Variants in NFIB observed in about 807,000 individuals in gnomAD.
NFIB encodes the protein nuclear factor I B.
In NFIB, 11 loss-of-function variants were observed where a neutral mutation model predicts 61.5. That is an observed-to-expected ratio of 0.18 (90% confidence interval 0.11 to 0.30). The LOEUF (loss-of-function observed/expected upper bound fraction) is 0.30. Among genes scored for constraint, NFIB ranks in the 10% least tolerant of loss-of-function variants. The pLI is 1.00. For synonymous variants in NFIB, 260 were observed against 216.5 expected, an observed-to-expected ratio of 1.20 and a Z score of -1.76; for missense variants, 471 against 608.9, an observed-to-expected ratio of 0.77 and a Z score of 2.38.
intron 2 of NFIB, among the ~76,000 whole-genome samples, chr9:14,276,262 T>C (rs942394203): frequency 2.6e-5 from 4 of 152,296 alleles, no homozygotes; most frequent in Admixed American, 6.5e-5. Context: ...GTTGGGGTAG[T>C]TGCTTCCCAA....
At chr9:14,392,300 T>G (rs1333127996) in intron 1 of NFIB, among the ~76,000 whole-genome samples, 1 of 152,244 alleles carries the variant, frequency 6.6e-6, no homozygotes, top group Non-Finnish European at 1.5e-5. Flanking sequence ...CTATCAACAT[T>G]GGTTTCTGAA....
At chr9:14,206,482 T>G (rs2049734786) in intron 2 of NFIB, among the ~76,000 whole-genome samples, 1 of 152,008 alleles carries the variant, frequency 6.6e-6, no homozygotes, top group Non-Finnish European at 1.5e-5. Flanking sequence ...CTAACACTCT[T>G]AAAACTTGAG....
chr9:14,419,766 T>C, the NFIB span, among the ~76,000 whole-genome samples: 1 of 152,180 alleles, frequency 6.6e-6, no homozygotes, highest in Non-Finnish European at 1.5e-5. Context: ...TCTGCTCCAC[T>C]TCCCATCGGT....
the NFIB span, among the ~76,000 whole-genome samples, chr9:14,481,568 TTGGATTTCTCTCA>T: frequency 6.6e-6 from 1 of 152,006 alleles, no homozygotes; most frequent in Non-Finnish European, 1.5e-5. Flanking sequence ...CCTATTGACT[TTGGATTTCTCTCA>T]TCCCTTTAGA....
At chr9:14,399,925 T>C (rs1290740736), upstream of NFIB, among the ~76,000 whole-genome samples, 1 of 152,136 alleles carries the variant, frequency 6.6e-6, no homozygotes, top group Admixed American at 6.6e-5. Context: ...CATCTCTCAA[T>C]GTTCAGATTC....
chr9:14,366,964 T>A (rs894093858), intron 1 of NFIB, among the ~76,000 whole-genome samples: 1 of 152,096 alleles, frequency 6.6e-6, no homozygotes, highest in Non-Finnish European at 1.5e-5. Flanking sequence ...TTTCTTTGCA[T>A]CAGAATCAAC....
the NFIB span, among the ~76,000 whole-genome samples, chr9:14,496,839 T>C: frequency 6.6e-6 from 1 of 152,200 alleles, no homozygotes; most frequent in Non-Finnish European, 1.5e-5. Flanking sequence ...ATACTAGCCA[T>C]TGCATTTTCA....
At chr9:14,400,748 G>T (rs185515779), upstream of NFIB, among the ~76,000 whole-genome samples, 8 of 152,244 alleles carry the variant, frequency 5.3e-5, no homozygotes, top group South Asian at 1.7e-3. Context: ...CTTCCTCCTC[G>T]TTCATTATTG....
the NFIB span, among the ~76,000 whole-genome samples, chr9:14,489,392 A>G: frequency 3.9e-5 from 6 of 152,204 alleles, no homozygotes; most frequent in Non-Finnish European, 7.4e-5. Flanking sequence ...ATCACGTACC[A>G]TCTTATCTTA....
the NFIB span, among the ~76,000 whole-genome samples, chr9:14,499,265 C>G: frequency 6.6e-6 from 1 of 152,130 alleles, no homozygotes; most frequent in Admixed American, 6.6e-5. Context: ...TGATGTCTGG[C>G]TGAAAGGCTT....
At chr9:14,377,761 T>A (rs2061436869) in intron 1 of NFIB, among the ~76,000 whole-genome samples, 1 of 152,194 alleles carries the variant, frequency 6.6e-6, no homozygotes, top group African/African-American at 2.4e-5. Context: ...AGGCCCCAAA[T>A]GTAGACTGGG....
At position 14,330,420 on chromosome 9, in the gene NFIB, AT is replaced by A. The variant is rs796925014; in HGVS notation, c.109-22901del. 4.7e-4 allele frequency among the ~76,000 whole-genome samples: 72 copies of A among 151,732 alleles called. 1 individual carries two copies. The highest frequency in any genetic ancestry group is 1.4e-3 in the African/African-American group (56 of 41,400). ...ATCAGAACACATGGTGCAACCAAGC[AT>A]TTTTTTTTAAATGATTTTAAGATTT... On this transcript the variant is annotated intron_variant, in intron 1 of 8. Transcript: ENST00000380934.
chr9:14,475,807 G>T, the NFIB span, among the ~76,000 whole-genome samples: 2 of 152,098 alleles, frequency 1.3e-5, no homozygotes, highest in African/African-American at 2.4e-5. Flanking sequence ...AAAATTTATG[G>T]TTTTTACCTC....
chr9:14,339,925 G>C (rs1394131519), intron 1 of NFIB, among the ~76,000 whole-genome samples: 1 of 152,156 alleles, frequency 6.6e-6, no homozygotes, highest in African/African-American at 2.4e-5. Context: ...CAAAGTATTT[G>C]GTAATTGCCT....
At chr9:14,091,128 A>G (rs693517) in intron 10 of NFIB, among the ~76,000 whole-genome samples, 148,474 of 151,898 alleles carry the variant, frequency 0.98, 72,672 homozygotes, top group Middle Eastern at 1. Flanking sequence ...CCTTTGGGGG[A>G]AAATAAATCT....
chr9:14,183,137 A>C (rs897963257), intron 2 of NFIB, among the ~76,000 whole-genome samples: 7 of 152,140 alleles, frequency 4.6e-5, no homozygotes, highest in African/African-American at 1.7e-4. Context: ...ATCCCAACAC[A>C]CGCATCTGAA....
intron 2 of NFIB, among the ~76,000 whole-genome samples, chr9:14,214,005 C>T (rs1432115013): frequency 2.0e-5 from 3 of 152,144 alleles, no homozygotes; most frequent in African/African-American, 7.2e-5. Flanking sequence ...GAATCGATGC[C>T]ACCTTCGGGC....
intron 2 of NFIB, among the ~76,000 whole-genome samples, chr9:14,199,576 A>G (rs1392669886): frequency 1.3e-5 from 2 of 152,240 alleles, no homozygotes; most frequent in Non-Finnish European, 2.9e-5. Flanking sequence ...ATTAAAAACA[A>G]AACAGCAAAA....
At chr9:14,502,018 G>A in the NFIB span, among the ~76,000 whole-genome samples, 1 of 152,186 alleles carries the variant, frequency 6.6e-6, no homozygotes, top group African/African-American at 2.4e-5. Context: ...AGAAATGGAA[G>A]TTTTGATATT....
Sources: gnomAD v4.1 joint callset for allele counts (sites outside exome capture counted in the v4.1 genomes callset) on GRCh38, gnomAD v4.1.1 for gene constraint, MANE v1.5 for transcripts, NCBI Gene and HGNC (gene_info 2026-07-23, HGNC 2026-07-21) for gene names.